SEMA6D: variants seen among roughly 807,000 people sequenced by gnomAD.
SEMA6D encodes semaphorin 6D, also known as semaphorin-6D.
SEMA6D carries 35 observed loss-of-function variants against 106.6 expected under a neutral mutation model. The ratio of observed to expected loss-of-function variants is 0.33; its 90% confidence interval spans 0.25 to 0.44. SEMA6D has a LOEUF of 0.44. Among genes scored for constraint, SEMA6D ranks in the 20% least tolerant of loss-of-function variants. The probability of loss-of-function intolerance (pLI) is 1.00; values close to 1 mark genes in which losing one functional copy is unlikely to be tolerated. For missense variants in SEMA6D, 1,185 were observed against 1,345.9 expected, an observed-to-expected ratio of 0.88 and a Z score of 1.87; for synonymous variants, 499 against 487.7, an observed-to-expected ratio of 1.02 and a Z score of -0.31.
intron 3 of SEMA6D, among the ~76,000 whole-genome samples, chr15:47,475,865 C>T (rs989425570): frequency 1.3e-5 from 2 of 152,120 alleles, no homozygotes; most frequent in African/African-American, 2.4e-5. Flanking sequence ...TCTAATAATG[C>T]CTCTGTATTA....
At chr15:47,568,460 T>C (rs370279669) in intron 3 of SEMA6D, among the ~76,000 whole-genome samples, 3 of 152,178 alleles carry the variant, frequency 2.0e-5, no homozygotes, top group East Asian at 1.9e-4. Flanking sequence ...ATTCTATATA[T>C]CATTTTTAAA....
intron 3 of SEMA6D, among the ~76,000 whole-genome samples, chr15:47,487,303 C>A (rs2043325178): frequency 6.6e-6 from 1 of 152,146 alleles, no homozygotes; most frequent in South Asian, 2.1e-4. Context: ...ATGCTAATTG[C>A]TAATCAAGTA....
intron 4 of SEMA6D, among the ~76,000 whole-genome samples, chr15:47,663,382 G>A (rs2077965555): frequency 6.6e-6 from 1 of 152,176 alleles, no homozygotes; most frequent in African/African-American, 2.4e-5. Flanking sequence ...TCAATTCAGT[G>A]TCACTAGAAC....
intron 11 of SEMA6D, 93 bp from the exon 12 acceptor site, chr15:47,764,545 C>T (rs753188480): frequency 2.3e-4 from 351 of 1,535,990 alleles, no homozygotes; most frequent in Non-Finnish European, 3.0e-4. Flanking sequence ...CTCACTTGAC[C>T]TCTTCTCTGA....
intron 3 of SEMA6D, among the ~76,000 whole-genome samples, chr15:47,474,778 TCAGACA>T (rs1230710298): frequency 1.3e-5 from 2 of 152,212 alleles, no homozygotes; most frequent in African/African-American, 4.8e-5. Flanking sequence ...CCTTTTGCAA[TCAGACA>T]GGACACTGTG....
rs532077835 is a variant in SEMA6D, at chr15:47,273,361, C to G, written c.-239+88943C>G. Among the ~76,000 whole-genome samples the G allele has an allele frequency of 2.0e-5, 3 of 152,134 alleles. No individual in the cohort carries two copies. The South Asian group carries it at 6.2e-4, about 32-fold the overall frequency. On this transcript the variant is annotated intron_variant, in intron 1 of 19. Coordinates refer to the SEMA6D transcript ENST00000558014. ...ACAACATTAATTTTAATAGAGACTA[C>G]CTGGGTTTGGGTACTTAAAACTTGT...
chr15:47,557,030 AT>A (rs1310920225), intron 3 of SEMA6D, among the ~76,000 whole-genome samples: 2 of 152,154 alleles, frequency 1.3e-5, no homozygotes, highest in Non-Finnish European at 2.9e-5. Flanking sequence ...AAAAGAGACA[AT>A]GTAGAGCATC....
At chr15:47,423,026 A>G (rs900009302) in intron 2 of SEMA6D, among the ~76,000 whole-genome samples, 3 of 152,094 alleles carry the variant, frequency 2.0e-5, no homozygotes, top group African/African-American at 7.2e-5. Context: ...ACAAAGATAT[A>G]TAACTGAAAG....
chr15:47,658,481 T>A (rs1366151485), intron 4 of SEMA6D, among the ~76,000 whole-genome samples: 1 of 152,126 alleles, frequency 6.6e-6, no homozygotes, highest in Non-Finnish European at 1.5e-5. Context: ...GTGAAAAAAA[T>A]ATGTAGCTTA....
intron 1 of SEMA6D, among the ~76,000 whole-genome samples, chr15:47,364,980 A>G (rs2038958541): frequency 6.6e-6 from 1 of 152,206 alleles, no homozygotes. Flanking sequence ...CTTTATCTCC[A>G]CAGCATCCAT....
At chr15:47,298,501 G>A (rs2035892714) in intron 1 of SEMA6D, among the ~76,000 whole-genome samples, 2 of 152,158 alleles carry the variant, frequency 1.3e-5, no homozygotes. Context: ...CCAGCAGTGT[G>A]ACTTAATGAC....
chr15:47,381,734 G>T (rs1567040815), intron 1 of SEMA6D, among the ~76,000 whole-genome samples: 1 of 152,162 alleles, frequency 6.6e-6, no homozygotes, highest in Non-Finnish European at 1.5e-5. Flanking sequence ...AAGGTAACGT[G>T]ATATTAATAT....
intron 3 of SEMA6D, among the ~76,000 whole-genome samples, chr15:47,597,079 G>A (rs72735808): frequency 0.16 from 24,541 of 151,836 alleles, 2,236 homozygotes; most frequent in African/African-American, 0.21. Context: ...AAACTCAATA[G>A]CAGAAAAATA....
At chr15:47,215,399 G>A (rs974810243) in intron 1 of SEMA6D, among the ~76,000 whole-genome samples, 3 of 151,936 alleles carry the variant, frequency 2.0e-5, no homozygotes, top group African/African-American at 7.3e-5. Context: ...GCTACACAGG[G>A]ATCTGTTAAA....
chr15:47,638,640 G>A (rs1035341021), intron 4 of SEMA6D, among the ~76,000 whole-genome samples: 9 of 152,272 alleles, frequency 5.9e-5, no homozygotes, highest in African/African-American at 1.9e-4. Flanking sequence ...TTTCAAATGT[G>A]TCAGCATTAA....
chr15:47,265,392 C>T (rs2034270300), intron 1 of SEMA6D, among the ~76,000 whole-genome samples: 1 of 151,478 alleles, frequency 6.6e-6, no homozygotes, highest in African/African-American at 2.4e-5. Flanking sequence ...ATTTATATTT[C>T]AGTTATGGTA....
Position 47,772,357 on chromosome 15 carries a change from C to CGCGT in SEMA6D, c.*573_*574insCGTG, listed in dbSNP as rs1555431241. Reference sequence around the variant, plus strand: ...CACCAACAAACTTGTTGTGTGTGTGCGTGTGTGTGTGTGTGTGTGTGTGTG... The same window carrying CGCGT: ...CACCAACAAACTTGTTGTGTGTGTGCGCGTGTGTGTGTGTGTGTGTGTGTGTGTG... On this transcript the variant is annotated 3_prime_UTR_variant, in exon 19 of 19. Transcript: ENST00000536845. 7.1e-6 allele frequency: 1 copy of CGCGT among 141,546 alleles called. No homozygotes were observed. Among genetic ancestry groups the CGCGT allele is most frequent in the African/African-American group, 2.7e-5 (1 of 37,024 alleles). 8.8% of individuals were successfully genotyped at this position (141,546 alleles called of 1,614,324 possible).
chr15:47,469,333 C>T (rs535433676), intron 2 of SEMA6D, among the ~76,000 whole-genome samples: 4 of 142,500 alleles, frequency 2.8e-5, no homozygotes, highest in South Asian at 2.2e-4. Context: ...TGTATGTGCA[C>T]GCATGTGCGT....
intron 2 of SEMA6D, among the ~76,000 whole-genome samples, chr15:47,430,488 T>A (rs934693128): frequency 4.0e-5 from 6 of 151,884 alleles, no homozygotes; most frequent in African/African-American, 1.5e-4. Flanking sequence ...AATATATATT[T>A]TTTACTCAGG....
Sources: allele counts gnomAD v4.1 joint callset (sites outside exome capture counted in the v4.1 genomes callset), GRCh38; gene constraint gnomAD v4.1.1; transcripts MANE v1.5; gene names NCBI Gene and HGNC (gene_info 2026-07-23, HGNC 2026-07-21).